The following ROR1 variants were observed in gnomAD, a reference collection of about 807,000 sequenced individuals.
ROR1 encodes the protein ROR family WNT receptor 1.
A neutral mutation model predicts 78.8 loss-of-function variants in ROR1; 19 were observed. The observed-to-expected ratio is 0.24, with a 90% CI of 0.17 to 0.35. The LOEUF (loss-of-function observed/expected upper bound fraction) is 0.35. Among genes scored for constraint, ROR1 ranks in the 10% least tolerant of loss-of-function variants. The pLI is 1.00. For missense variants in ROR1, 917 were observed against 1,177.8 expected (o/e 0.78, Z 3.24); for synonymous variants, 386 against 433.6 (o/e 0.89, Z 1.36).
At chr1:63,842,323 T>C (rs192202772) in intron 1 of ROR1, among the ~76,000 whole-genome samples, 17 of 152,322 alleles carry the variant, frequency 1.1e-4, no homozygotes, top group African/African-American at 3.8e-4. Flanking sequence ...TTATTAGTCA[T>C]AGCAATAGCA....
chr1:63,929,382 C>T (rs1645733168), intron 1 of ROR1, among the ~76,000 whole-genome samples: 1 of 152,108 alleles, frequency 6.6e-6, no homozygotes, highest in African/African-American at 2.4e-5. Context: ...ATATCACCTC[C>T]CCTAGGAAGC....
intron 2 of ROR1, among the ~76,000 whole-genome samples, chr1:64,041,653 C>T (rs777205656): frequency 3.3e-5 from 5 of 152,132 alleles, no homozygotes; most frequent in Non-Finnish European, 7.4e-5. Context: ...AAAGGAGGCA[C>T]ATTATTGGCC....
At chr1:64,022,387 T>A (rs1337732717) in intron 2 of ROR1, among the ~76,000 whole-genome samples, 2 of 152,232 alleles carry the variant, frequency 1.3e-5, no homozygotes, top group Non-Finnish European at 2.9e-5. Context: ...GTTAATTTTG[T>A]GTTAAGTGAC....
intron 1 of ROR1, among the ~76,000 whole-genome samples, chr1:63,961,708 A>G (rs947653529): frequency 1.3e-5 from 2 of 152,128 alleles, no homozygotes; most frequent in Admixed American, 1.3e-4. Flanking sequence ...GTGGAGAGGG[A>G]TATGAAATTA....
At chr1:64,020,212 C>T (rs1570069344) in intron 2 of ROR1, among the ~76,000 whole-genome samples, 1 of 152,126 alleles carries the variant, frequency 6.6e-6, no homozygotes, top group African/African-American at 2.4e-5. Flanking sequence ...GTTAAAGTAA[C>T]ATCAGGAAAC....
At chr1:64,145,640 A>T (rs1466266826) in intron 7 of ROR1, among the ~76,000 whole-genome samples, 1 of 152,212 alleles carries the variant, frequency 6.6e-6, no homozygotes, top group Non-Finnish European at 1.5e-5. Context: ...CACTTCATTT[A>T]TGACATTTTC....
intron 2 of ROR1, among the ~76,000 whole-genome samples, chr1:64,016,549 C>T (rs1362724465): frequency 6.6e-6 from 1 of 152,004 alleles, no homozygotes; most frequent in Admixed American, 6.6e-5. Context: ...TCTCAGGAAA[C>T]AATTGCTGGA....
chr1:63,876,128 A>G (rs1029242525), intron 1 of ROR1, among the ~76,000 whole-genome samples: 1 of 152,146 alleles, frequency 6.6e-6, no homozygotes, highest in African/African-American at 2.4e-5. Context: ...TGTCTTTGGT[A>G]TGCTTAGGAT....
intron 1 of ROR1, among the ~76,000 whole-genome samples, chr1:63,907,728 A>G (rs897475920): frequency 6.6e-6 from 1 of 152,202 alleles, no homozygotes; most frequent in African/African-American, 2.4e-5. Flanking sequence ...GGAGGTTACT[A>G]GAACTTGAAA....
At chr1:63,795,012 C>T (rs1257093963) in intron 1 of ROR1, among the ~76,000 whole-genome samples, 5 of 152,124 alleles carry the variant, frequency 3.3e-5, no homozygotes, top group African/African-American at 4.8e-5. Context: ...GGACCCCAGA[C>T]GAGGCTGCCT....
chr1:64,143,636 T>C (rs566251978), intron 7 of ROR1, among the ~76,000 whole-genome samples: 2 of 152,324 alleles, frequency 1.3e-5, no homozygotes, highest in African/African-American at 4.8e-5. Context: ...AGAATATTTG[T>C]TGAGTACCTA....
rs78447508 is a variant in ROR1, at chr1:63,845,637, G to C, written c.91+71129G>C. ...GTTTCAATCCTTGACCCACTGTTTT[G>C]CCTTGTTTGCCACTGCCTGCCTTTT... On this transcript the variant is annotated intron_variant, in intron 1 of 8. Coordinates refer to ENST00000371079, the MANE Select transcript of ROR1 (RefSeq NM_005012.4). 4.9e-4 allele frequency among the ~76,000 whole-genome samples: 75 copies of C among 152,110 alleles called. No homozygotes were observed. The East Asian group carries it at 0.014, about 29-fold the overall frequency.
chr1:64,172,090 C>T (rs770552595), intron 8 of ROR1, among the ~76,000 whole-genome samples: 23 of 152,132 alleles, frequency 1.5e-4, no homozygotes, highest in African/African-American at 2.2e-4. Flanking sequence ...TTTTTAAAAA[C>T]GCTACTCATA....
intron 1 of ROR1, among the ~76,000 whole-genome samples, chr1:63,819,018 A>G (rs1249265858): frequency 1.3e-5 from 2 of 152,294 alleles, no homozygotes; most frequent in African/African-American, 4.8e-5. Context: ...AAAGCCCTGG[A>G]AATTGAAGGC....
At chr1:64,114,117 T>C (rs1051570644) in intron 4 of ROR1, among the ~76,000 whole-genome samples, 3 of 152,102 alleles carry the variant, frequency 2.0e-5, no homozygotes, top group African/African-American at 7.2e-5. Flanking sequence ...GGGGCCAAGA[T>C]GAGCCTCACC....
chr1:63,959,707 A>G (rs1646012729), intron 1 of ROR1, among the ~76,000 whole-genome samples: 1 of 152,190 alleles, frequency 6.6e-6, no homozygotes, highest in African/African-American at 2.4e-5. Context: ...TGCTACCCGA[A>G]TCAACATGAG....
intron 2 of ROR1, among the ~76,000 whole-genome samples, chr1:64,024,630 C>T (rs1481517320): frequency 3.3e-5 from 5 of 152,178 alleles, no homozygotes; most frequent in African/African-American, 1.2e-4. Flanking sequence ...ATGATAAATG[C>T]CTTAAAGGGC....
intron 1 of ROR1, among the ~76,000 whole-genome samples, chr1:63,835,765 C>T (rs1645015747): frequency 6.6e-6 from 1 of 152,186 alleles, no homozygotes; most frequent in Non-Finnish European, 1.5e-5. Flanking sequence ...TTAAAAGGCA[C>T]TTGTGTTGTT....
At chr1:64,049,430 T>A (rs1646810496) in intron 2 of ROR1, among the ~76,000 whole-genome samples, 1 of 152,184 alleles carries the variant, frequency 6.6e-6, no homozygotes. Flanking sequence ...GCACAAAAGC[T>A]TATCCATGTA....
Sources: gnomAD v4.1 joint callset for allele counts (sites outside exome capture counted in the v4.1 genomes callset) on GRCh38, gnomAD v4.1.1 for gene constraint, MANE v1.5 for transcripts, NCBI Gene and HGNC (gene_info 2026-07-23, HGNC 2026-07-21) for gene names.